RECK: variants seen among roughly 807,000 people sequenced by gnomAD.
RECK encodes reversion-inducing cysteine-rich protein with Kazal motifs.
In RECK, 69 loss-of-function variants were observed where a neutral mutation model predicts 115.1. The observed-to-expected ratio is 0.60, with a 90% CI of 0.49 to 0.73. RECK has a LOEUF of 0.73. Ranked by LOEUF, RECK falls within the 30% of genes least tolerant of loss-of-function variation. The pLI is 0.00. For synonymous variants in RECK, 414 were observed against 419.7 expected (o/e 0.99, Z 0.17); for missense variants, 1,047 against 1,203.7 (o/e 0.87, Z 1.93).
At chr9:36,081,098 C>T (rs951433770) in intron 7 of RECK, among the ~76,000 whole-genome samples, 2 of 152,048 alleles carry the variant, frequency 1.3e-5, no homozygotes, top group East Asian at 3.9e-4. Context: ...TTAGAGGTGG[C>T]TTCATGGAGT....
intron 1 of RECK, among the ~76,000 whole-genome samples, chr9:36,037,365 A>G (rs533135935): frequency 6.6e-6 from 1 of 151,692 alleles, no homozygotes; most frequent in East Asian, 2.0e-4. Context: ...CCTCTTCGGC[A>G]CTGACCCCTT....
rs1352416187 is a variant in RECK at position 36,121,602 on chromosome 9, C to T, written c.2608C>T (p.Gln870Ter). Residue 870 changes from glutamine to a stop codon, truncating the protein, a stop_gained, in exon 20 of 21, where the codon CAG (glutamine) becomes TAG (stop). Transcript: ENST00000377966. LOFTEE classifies it high-confidence loss of function. ...QKIRMHVSVP[Q>*]CDVFGYFSIE... ...AATCCGCATGCACGTGTCTGTCCCACAGTGTGATGTGTTTGGATACTTCAG... is the reference window on the plus strand; with the variant it reads ...AATCCGCATGCACGTGTCTGTCCCATAGTGTGATGTGTTTGGATACTTCAG... The T allele has an allele frequency of 6.2e-7, 1 of 1,614,058 alleles. No individual in the cohort carries two copies. The highest frequency in any genetic ancestry group is 1.1e-5 in the South Asian group (1 of 91,072).
chr9:36,076,019 T>C (rs1475206827), intron 6 of RECK, among the ~76,000 whole-genome samples: 1 of 152,282 alleles, frequency 6.6e-6, no homozygotes, highest in African/African-American at 2.4e-5. Context: ...GAGAAAGGAT[T>C]GAAACAAGTG....
At chr9:36,040,203 C>T (rs1820822707) in intron 1 of RECK, among the ~76,000 whole-genome samples, 1 of 152,058 alleles carries the variant, frequency 6.6e-6, no homozygotes, top group Admixed American at 6.6e-5. Context: ...AAATATGTAA[C>T]AAAATGATTT....
At chr9:36,043,672 A>T (rs1453376862) in intron 1 of RECK, among the ~76,000 whole-genome samples, 1 of 152,102 alleles carries the variant, frequency 6.6e-6, no homozygotes, top group Non-Finnish European at 1.5e-5. Context: ...TTAAGTCTTG[A>T]TCAATCTTGA....
chr9:36,063,699 CT>C, intron 4 of RECK, 95 bp from the exon 5 acceptor site: 1 of 1,119,086 alleles, frequency 8.9e-7, no homozygotes, highest in Non-Finnish European at 1.3e-6. Flanking sequence ...TTATGGACAG[CT>C]GCTTTGACTT....
In RECK at chr9:36,087,680, T is replaced by C. The variant is rs969181496; in HGVS notation, c.638-14T>C. On this transcript the variant is annotated splice_polypyrimidine_tract_variant and intron_variant, in intron 8 of 20. Coordinates refer to ENST00000377966, the MANE Select transcript of RECK (RefSeq NM_021111.3). ...AAAACAGCTAATTAAGCCACTTATA[T>C]TCTGAAAATGTAGGTTTATATTGCT... 3.7e-6 allele frequency: 6 copies of C among 1,608,208 alleles called. No homozygotes were observed. The highest frequency in any genetic ancestry group is 5.1e-6 in the Non-Finnish European group (6 of 1,176,568).
chr9:36,074,533 A>G (rs946845024), intron 6 of RECK, among the ~76,000 whole-genome samples: 10 of 152,212 alleles, frequency 6.6e-5, no homozygotes, highest in African/African-American at 9.6e-5. Context: ...GAAATGGGGA[A>G]GTCTTTCACA....
At chr9:36,046,738 G>A (rs1275840862) in intron 1 of RECK, among the ~76,000 whole-genome samples, 1 of 152,202 alleles carries the variant, frequency 6.6e-6, no homozygotes, top group Non-Finnish European at 1.5e-5. Context: ...AACAGATGTT[G>A]TGGCAGGACA....
Position 36,087,792 on chromosome 9 carries a change from C to T in RECK, c.736C>T (p.Leu246Phe). 1 of 1,613,974 alleles carries T rather than the reference C, an allele frequency of 6.2e-7. No individual in the cohort carries two copies. Among genetic ancestry groups the T allele is most frequent in the Non-Finnish European group, 8.5e-7 (1 of 1,179,912 alleles). The change falls in exon 9 of 21, where the codon CTC becomes TTC. Residue 246 changes from leucine to phenylalanine, a missense_variant. Leu to Phe is a conservative substitution (Grantham distance 22). Coordinates refer to ENST00000377966, the MANE Select transcript of RECK (RefSeq NM_021111.3). ...AACGGAAATGGAGATTGTTGATGGT[C>T]TCATCGAGGGTTGTAAGACCCAGCC... Reference protein sequence around the residue: ...KKTEMEIVDGLIEGCKTQPLP... With the variant: ...KKTEMEIVDGFIEGCKTQPLP...
chr9:36,117,307 C>T lies in RECK; in HGVS notation c.2253+130C>T, dbSNP rs568760404. ...TCCTGTCAAATCTATAGCACCCAGT[C>T]CTCCACTAAAAAGGAAGACTGGCTC... On this transcript the variant is annotated intron_variant, in intron 17 of 20. Transcript: ENST00000377966. 6.4e-4 allele frequency: 436 copies of T among 676,668 alleles called. 10 individuals are homozygous for T. In the South Asian group the frequency reaches 7.4e-3, roughly 12 times the overall value. 41.9% of individuals were successfully genotyped at this position (676,668 alleles called of 1,614,324 possible).
At chr9:36,113,043 T>C (rs1282210181) in intron 16 of RECK, among the ~76,000 whole-genome samples, 1 of 152,216 alleles carries the variant, frequency 6.6e-6, no homozygotes, top group East Asian at 1.9e-4. Flanking sequence ...GAGAAATCTC[T>C]GGAAATGCAA....
At chr9:36,047,677 C>G (rs1465516753) in intron 1 of RECK, among the ~76,000 whole-genome samples, 1 of 152,096 alleles carries the variant, frequency 6.6e-6, no homozygotes, top group Non-Finnish European at 1.5e-5. Context: ...TACAGCCTTA[C>G]TACAATCAAG....
At chr9:36,107,028 C>T (rs1229764706) in intron 13 of RECK, among the ~76,000 whole-genome samples, 2 of 148,806 alleles carry the variant, frequency 1.3e-5, no homozygotes, top group Non-Finnish European at 3.0e-5. Context: ...ATGGCGTGAA[C>T]CTGGGAGGTG....
chr9:36,052,795 A>C (rs1275292521), intron 2 of RECK, among the ~76,000 whole-genome samples: 3 of 152,216 alleles, frequency 2.0e-5, no homozygotes, highest in Non-Finnish European at 4.4e-5. Context: ...GAAACTAAAG[A>C]GATGTGACAA....
At chr9:36,072,007 T>G (rs1049379711) in intron 6 of RECK, among the ~76,000 whole-genome samples, 2 of 152,190 alleles carry the variant, frequency 1.3e-5, no homozygotes, top group Non-Finnish European at 2.9e-5. Context: ...TTACTAGAGA[T>G]ATTTGAGATA....
intron 12 of RECK, among the ~76,000 whole-genome samples, chr9:36,102,554 T>C (rs1216573243): frequency 6.6e-6 from 1 of 152,092 alleles, no homozygotes; most frequent in African/African-American, 2.4e-5. Flanking sequence ...TAATAATGAC[T>C]AGAAAGTGGA....
chr9:36,110,896 T>A (rs1326075219), intron 15 of RECK, among the ~76,000 whole-genome samples: 1 of 152,000 alleles, frequency 6.6e-6, no homozygotes, highest in East Asian at 1.9e-4. Flanking sequence ...GGATCAGAAA[T>A]AAGAAGTGAA....
At chr9:36,107,847 G>A (rs1185828770) in intron 13 of RECK, 129 bp from the exon 14 acceptor site, 1 of 648,464 alleles carries the variant, frequency 1.5e-6, no homozygotes, top group East Asian at 2.8e-5. Flanking sequence ...TTAATTTGGT[G>A]AAAGTTCTAT....
Sources: allele counts gnomAD v4.1 joint callset (sites outside exome capture counted in the v4.1 genomes callset), GRCh38; gene constraint gnomAD v4.1.1; transcripts MANE v1.5; gene names NCBI Gene and HGNC (gene_info 2026-07-23, HGNC 2026-07-21).